Variants in SNAPC4 observed in about 807,000 individuals in gnomAD.
SNAPC4 encodes snRNA-activating protein complex subunit 4.
Under a neutral mutation model 151.3 loss-of-function variants are expected in SNAPC4, and 127 were observed. That is an observed-to-expected ratio of 0.84 (90% CI 0.73 to 0.97). SNAPC4 has a LOEUF of 0.97. SNAPC4 is among the 50% of genes least tolerant of loss of function. The pLI is 0.00. For synonymous variants in SNAPC4, 1,002 were observed against 824.4 expected (o/e 1.22, Z -3.69); for missense variants, 2,186 against 1,935.0 (o/e 1.13, Z -2.43).
chr9:136,381,429 G>A (rs765283672), intron 18 of SNAPC4, 37 bp from the exon 19 acceptor site: 15 of 1,553,218 alleles, frequency 9.7e-6, no homozygotes, highest in Non-Finnish European at 1.2e-5. Flanking sequence ...AGCAGCCCCA[G>A]CTCCCATGGG....
intron 21 of SNAPC4, 108 bp downstream of exon 21, chr9:136,379,729 G>T: frequency 3.8e-6 from 4 of 1,039,150 alleles, no homozygotes; most frequent in Non-Finnish European, 5.9e-6. Flanking sequence ...AGGGGCCACA[G>T]GCTGTGCTGC....
chr9:136,398,113 G>C (rs1042081562), intron 2 of SNAPC4, among the ~76,000 whole-genome samples, 186 bp downstream of exon 2: 1 of 152,040 alleles, frequency 6.6e-6, no homozygotes, highest in Non-Finnish European at 1.5e-5. Flanking sequence ...TTGCTGCGTT[G>C]TCCAGGCTGG....
At chr9:136,380,050 G>A (rs1428244917) in intron 20 of SNAPC4, among the ~76,000 whole-genome samples, 186 bp from the exon 21 acceptor site, 4 of 152,208 alleles carry the variant, frequency 2.6e-5, no homozygotes, top group Admixed American at 6.5e-5. Context: ...CATGTGGCCC[G>A]ATCCCATGTC....
Position 136,383,924 on chromosome 9 carries a change from T to G in SNAPC4, c.1500+29A>C. The G allele has an allele frequency of 1.9e-6, 3 of 1,600,210 alleles. No homozygotes were observed. The highest frequency in any genetic ancestry group is 2.6e-6 in the Non-Finnish European group (3 of 1,168,154). On this transcript the variant is annotated intron_variant, in intron 15 of 23. Transcript: ENST00000684778. The surrounding 1 kb of genome is among the most constrained non-coding windows in gnomAD (Gnocchi z 4.2). ...CCAGTTGACCAGGCCATTGTCTGGT[T>G]TCAGATAAAGAAGGAGCGAGTGGCT... is the stretch of plus-strand genomic sequence containing the variant.
At chr9:136,382,870 G>A (rs938913104) in intron 16 of SNAPC4, among the ~76,000 whole-genome samples, 3 of 152,144 alleles carry the variant, frequency 2.0e-5, no homozygotes, top group South Asian at 2.1e-4. Flanking sequence ...ACAGGCTCAC[G>A]AGGAGGGAGG....
At position 136,387,577 on chromosome 9, in the gene SNAPC4, C is replaced by A. The variant is rs762733960; in HGVS notation, c.1233G>T (p.Lys411Asn). The A allele has an allele frequency of 1.2e-6, 2 of 1,612,270 alleles. No individual in the cohort carries two copies. Among genetic ancestry groups the A allele is most frequent in the African/African-American group, 2.7e-5 (2 of 74,908 alleles). The change falls in exon 13 of 24, where the codon AAG becomes AAT. Residue 411 changes from lysine to asparagine, a missense_variant and splice_region_variant. Transcript: ENST00000684778. ...CGTATTTGGCAACAGCTTGAAGCAA[C>A]TTCTGCAGGAAGGGACAGGCAGACA... is the stretch of plus-strand genomic sequence containing the variant. ...KGYWAPEEDA[K>N]LLQAVAKYGE...
intron 1 of SNAPC4, among the ~76,000 whole-genome samples, chr9:136,399,184 A>C (rs1834370719): frequency 6.6e-6 from 1 of 152,202 alleles, no homozygotes; most frequent in African/African-American, 2.4e-5. Flanking sequence ...GGGAGCCCAA[A>C]ACACCCAACA....
In SNAPC4 at chr9:136,378,964, G is replaced by A. The variant is rs770448346; in HGVS notation, c.2863C>T (p.Pro955Ser). 3 of 1,608,790 alleles carry A rather than the reference G, an allele frequency of 1.9e-6. No individual in the cohort carries two copies. Among genetic ancestry groups the A allele is most frequent in the East Asian group, 4.5e-5 (2 of 44,740 alleles). The change falls in exon 22 of 24, where the codon CCT (proline) becomes TCT (serine). Residue 955 changes from proline (P) to serine (S), a missense_variant. Physicochemically the swap from Pro to Ser is moderately conservative, Grantham distance 74. Coordinates refer to ENST00000684778, the MANE Select transcript of SNAPC4 (RefSeq NM_003086.4). ...PTVLNVPLSG[P>S]GAPAAAKPGT... The stretch of plus-strand genomic sequence containing the variant: ...GGTTTGGCTGCCGCGGGGGCCCCAG[G>A]CCCAGAGAGCGGTACATTTAAGACG...
intron 7 of SNAPC4, among the ~76,000 whole-genome samples, chr9:136,393,264 G>A (rs1588763887): frequency 6.6e-6 from 1 of 152,212 alleles, no homozygotes; most frequent in South Asian, 2.1e-4. Context: ...GGCCACGGGG[G>A]GCAGGCGGGA....
chr9:136,397,082 G>A (rs549619769), intron 2 of SNAPC4, 59 bp from the exon 3 acceptor site: 20 of 1,444,776 alleles, frequency 1.4e-5, no homozygotes, highest in South Asian at 2.3e-5. Context: ...GGGTGGGGGC[G>A]CAGCTCACCA....
In SNAPC4 at chr9:136,383,080, C is replaced by T; in HGVS notation, c.1983+106G>A. 1 of 1,442,420 alleles carries T rather than the reference C, an allele frequency of 6.9e-7. No individual in the cohort carries two copies. Among genetic ancestry groups the T allele is most frequent in the Non-Finnish European group, 9.1e-7 (1 of 1,100,542 alleles). The allele number at this position is 1,442,420 out of a possible 1,614,324, so 89.4% of individuals were successfully genotyped here. On this transcript the variant is annotated intron_variant, in intron 16 of 23. Transcript: ENST00000684778. This position sits in a 1 kb window ranked among gnomAD's most constrained non-coding sequence, Gnocchi z 4.2. Reference sequence around the variant, plus strand: ...CAGCCAGAAGTAGCACGTTCTGATGCACACGAACCCTGGGGCCCCTGCTGC... The same window carrying T: ...CAGCCAGAAGTAGCACGTTCTGATGTACACGAACCCTGGGGCCCCTGCTGC...
rs759622428 is a variant in SNAPC4, at chr9:136,378,392, CTCCGGT to C, written c.3429_3434del (p.Glu1145_Pro1146del). The C allele has an allele frequency of 2.4e-5, 38 of 1,609,412 alleles. No individual in the cohort carries two copies. The highest frequency in any genetic ancestry group is 2.9e-5 in the Non-Finnish European group (34 of 1,179,110). ...CTGGGGTGTCTGTCCTGCAGGAAGGCTCCGGTTCCCTGTTCATATTGGCTGGGGGCT... is the reference window on the plus strand; with the variant it reads ...CTGGGGTGTCTGTCCTGCAGGAAGGCTCCCTGTTCATATTGGCTGGGGGCT... On this transcript the variant is annotated inframe_deletion, in exon 22 of 24. Transcript: ENST00000684778.
chr9:136,399,497 C>A (rs527729442), intron 1 of SNAPC4, among the ~76,000 whole-genome samples: 1 of 152,222 alleles, frequency 6.6e-6, no homozygotes, highest in African/African-American at 2.4e-5. Context: ...GCTGCCTCCC[C>A]CTCCCCGTGT....
intron 16 of SNAPC4, 143 bp from the exon 17 acceptor site, chr9:136,382,479 G>A (rs898747466): frequency 6.9e-6 from 5 of 722,058 alleles, no homozygotes; most frequent in African/African-American, 1.7e-5. Context: ...TCATGGGAAC[G>A]TCCACCATGG....
Position 136,382,311 on chromosome 9 carries a change from G to A in SNAPC4, c.2009C>T (p.Pro670Leu), listed in dbSNP as rs1833728226. 7.4e-6 allele frequency: 12 copies of A among 1,613,158 alleles called. No homozygotes were observed. Among genetic ancestry groups the A allele is most frequent in the Non-Finnish European group, 1.0e-5 (12 of 1,179,970 alleles). Residue 670 changes from proline (P) to leucine (L), a missense_variant, in exon 17 of 24, where the codon CCT (proline) becomes CTT (leucine). Transcript: ENST00000684778. Reference sequence around the variant, plus strand: ...GAGCACCCTCAGCACGGTCTCCACAGGCACTGTCAGCAGACGCCTCCCACC... The same window carrying A: ...GAGCACCCTCAGCACGGTCTCCACAAGCACTGTCAGCAGACGCCTCCCACC... ...LEGGRRLLTV[P>L]VETVLRVLRA... is the part of the protein sequence containing the mutation.
In SNAPC4 at chr9:136,383,921, G is replaced by A. The variant is rs1216205185; in HGVS notation, c.1500+32C>T. 1.9e-6 allele frequency: 3 copies of A among 1,590,386 alleles called. No individual in the cohort carries two copies. The highest frequency in any genetic ancestry group is 1.7e-5 in the Admixed American group (1 of 59,930). On this transcript the variant is annotated intron_variant, in intron 15 of 23. Coordinates refer to ENST00000684778, the MANE Select transcript of SNAPC4 (RefSeq NM_003086.4). The surrounding 1 kb of genome is among the most constrained non-coding windows in gnomAD (Gnocchi z 4.2). ...CCCCCAGTTGACCAGGCCATTGTCT[G>A]GTTTCAGATAAAGAAGGAGCGAGTG...
intron 23 of SNAPC4, 40 bp downstream of exon 23, chr9:136,376,309 C>T (rs2131457541): frequency 6.2e-7 from 1 of 1,608,694 alleles, no homozygotes; most frequent in East Asian, 2.2e-5. Flanking sequence ...CACTCTGTCC[C>T]CTGGGTTGTA....
Position 136,394,892 on chromosome 9 carries a change from C to G in SNAPC4, c.472-14G>C. The G allele has an allele frequency of 6.2e-7, 1 of 1,612,304 alleles. No homozygotes were observed. Among genetic ancestry groups the G allele is most frequent in the South Asian group, 1.1e-5 (1 of 91,042 alleles). On this transcript the variant is annotated splice_polypyrimidine_tract_variant and intron_variant, in intron 5 of 23. Transcript: ENST00000684778. ...GGCAGGTGGCCCCTGTCAGGGTGCA[C>G]GGCATCACCACAAGCACAGGCCACA... is the stretch of plus-strand genomic sequence containing the variant.
At chr9:136,395,254 C>G (rs371819871) in intron 5 of SNAPC4, 44 bp downstream of exon 5, 6 of 1,587,576 alleles carry the variant, frequency 3.8e-6, no homozygotes, top group Non-Finnish European at 5.2e-6. Flanking sequence ...ACCCTTCCCA[C>G]GGTGCAGAGC....
Sources: allele counts gnomAD v4.1 joint callset (sites outside exome capture counted in the v4.1 genomes callset), GRCh38; gene constraint gnomAD v4.1.1; non-coding constraint Gnocchi (gnomAD v3.1); transcripts MANE v1.5; gene names NCBI Gene and HGNC (gene_info 2026-07-23, HGNC 2026-07-21).